VPS39: variants seen among roughly 807,000 people sequenced by gnomAD.
VPS39 encodes the protein vam6/Vps39-like protein.
VPS39 carries 70 observed loss-of-function variants against 121.0 expected under a neutral mutation model. The observed-to-expected ratio is 0.58, with a 90% CI of 0.48 to 0.71. The LOEUF is 0.71. Ranked by LOEUF, VPS39 falls within the 30% of genes least tolerant of loss-of-function variation. VPS39 has a pLI of 0.00. For synonymous variants in VPS39, 378 were observed against 398.1 expected (o/e 0.95, Z 0.60); for missense variants, 818 against 1,051.5 (o/e 0.78, Z 3.07).
At position 42,164,923 on chromosome 15, in the gene VPS39, A is replaced by T. The variant is rs540115416; in HGVS notation, c.1897+73T>A. ...AGAATAGGGTGGCCTGCTTACCCCC[A>T]CCACACGTGGCACCTGGGTCTGTGC... On this transcript the variant is annotated intron_variant, in intron 18 of 24. Transcript: ENST00000318006. 39 of 1,594,124 alleles carry T rather than the reference A, an allele frequency of 2.4e-5. No homozygotes were observed. The South Asian group carries it at 4.0e-4, about 16-fold the overall frequency.
intron 5 of VPS39, among the ~76,000 whole-genome samples, chr15:42,188,329 A>AT (rs2049747333): frequency 6.6e-6 from 1 of 152,252 alleles, no homozygotes; most frequent in Non-Finnish European, 1.5e-5. Flanking sequence ...ATGCTAAAAA[A>AT]TGGTAAGTTG....
In VPS39 at chr15:42,187,376, A is replaced by G; in HGVS notation, c.442-13T>C. The G allele has an allele frequency of 6.3e-7, 1 of 1,586,278 alleles. No homozygotes were observed. The highest frequency in any genetic ancestry group is 8.5e-7 in the Non-Finnish European group (1 of 1,170,384). Reference sequence around the variant, plus strand: ...CACTAAAGTCCCCCTGAAAAAAGAGAGCAAGGATCTGAATGAAATAAATAT... The same window carrying G: ...CACTAAAGTCCCCCTGAAAAAAGAGGGCAAGGATCTGAATGAAATAAATAT... On this transcript the variant is annotated splice_polypyrimidine_tract_variant and intron_variant, in intron 6 of 24. Transcript: ENST00000318006.
chr15:42,194,617 T>C lies in VPS39; in HGVS notation c.140-3057A>G, dbSNP rs552972413. 2.6e-5 allele frequency among the ~76,000 whole-genome samples: 4 copies of C among 152,028 alleles called. No homozygotes were observed. The East Asian group carries it at 5.8e-4, about 22-fold the overall frequency. ...GCATGCTGGTGTGTGCCGGTAGTCC[T>C]AGCTGCTTGAGAGGCTGAGGCGGGA... On this transcript the variant is annotated intron_variant, in intron 2 of 24. Coordinates refer to ENST00000318006, the MANE Select transcript of VPS39 (RefSeq NM_015289.5).
Position 42,166,752 on chromosome 15 carries a change from C to T in VPS39, c.1519+20G>A, listed in dbSNP as rs372071122. On this transcript the variant is annotated intron_variant, in intron 14 of 24. Coordinates refer to ENST00000318006, the MANE Select transcript of VPS39 (RefSeq NM_015289.5). ...CCATGTACAAGAGCCCCTCCCAGATCCAAGGAACCACTCCCACACCTTTCT... is the reference window on the plus strand; with the variant it reads ...CCATGTACAAGAGCCCCTCCCAGATTCAAGGAACCACTCCCACACCTTTCT... The T allele has an allele frequency of 1.9e-6, 3 of 1,613,360 alleles. No homozygotes were observed. The highest frequency in any genetic ancestry group is 2.5e-6 in the Non-Finnish European group (3 of 1,179,476).
chr15:42,166,799 ACAGGATGATAAG>A lies in VPS39; in HGVS notation c.1480_1491del (p.Leu494_Leu497del), dbSNP rs1408768705. On this transcript the variant is annotated inframe_deletion, in exon 14 of 25. Coordinates refer to ENST00000318006, the MANE Select transcript of VPS39 (RefSeq NM_015289.5). ...TTCTCGTGGAGCCCCTTCTTCTCAT[ACAGGATGATAAG>A]CTCACTGTACTTGTGAGCCTTCTTT... 6.2e-7 allele frequency: 1 copy of A among 1,614,172 alleles called. No individual in the cohort carries two copies.
chr15:42,208,089 G>T lies in VPS39; in HGVS notation c.65C>A (p.Ala22Asp), dbSNP rs2050214691. ...GCGGCCCCTCGGCTCACCCCAGGCAGCCAGACAGTCGATTTGCAGAGGCAG... is the reference window on the plus strand; with the variant it reads ...GCGGCCCCTCGGCTCACCCCAGGCATCCAGACAGTCGATTTGCAGAGGCAG... ...EKLPLQIDCLAAWEEWLLVGT... is the reference protein window; with the variant it reads ...EKLPLQIDCLDAWEEWLLVGT... Residue 22 changes from alanine to aspartate, a missense_variant, in exon 1 of 25, where the codon GCT (alanine) becomes GAT (aspartate). Physicochemically the swap from Ala to Asp is moderately radical, Grantham distance 126 (BLOSUM62 -2). Coordinates refer to ENST00000318006, the MANE Select transcript of VPS39 (RefSeq NM_015289.5). The T allele has an allele frequency of 5.7e-6, 9 of 1,583,890 alleles. No homozygotes were observed. Among genetic ancestry groups the T allele is most frequent in the Non-Finnish European group, 7.7e-6 (9 of 1,164,482 alleles).
chr15:42,198,543 G>A (rs1288872260), intron 2 of VPS39, among the ~76,000 whole-genome samples: 2 of 152,092 alleles, frequency 1.3e-5, no homozygotes, highest in African/African-American at 4.8e-5. Context: ...GTGTTGCCAT[G>A]TTGCCCAGGC....
intron 2 of VPS39, among the ~76,000 whole-genome samples, chr15:42,197,552 C>CA (rs55822012): frequency 1.3e-5 from 2 of 151,822 alleles, no homozygotes; most frequent in Non-Finnish European, 2.9e-5. Context: ...GACCCTGTCT[C>CA]AAAAAATAAA....
chr15:42,199,867 AT>A (rs373209852), intron 2 of VPS39, 28 bp downstream of exon 2: 4 of 1,556,364 alleles, frequency 2.6e-6, no homozygotes, highest in Admixed American at 4.4e-5. Flanking sequence ...ATTAAAACTT[AT>A]TTTTTTGCAT....
At chr15:42,196,216 C>T (rs1467487906) in intron 2 of VPS39, among the ~76,000 whole-genome samples, 3 of 151,990 alleles carry the variant, frequency 2.0e-5, no homozygotes, top group Non-Finnish European at 4.4e-5. Context: ...ACCATAAAAA[C>T]CCTAGAAGAA....
intron 3 of VPS39, 43 bp downstream of exon 3, chr15:42,191,453 A>G (rs1208096012): frequency 6.3e-7 from 1 of 1,580,124 alleles, no homozygotes; most frequent in Admixed American, 1.7e-5. Context: ...ACAGGGTCTC[A>G]TGTAAGTCAA....
chr15:42,187,292 C>T lies in VPS39; in HGVS notation c.513G>A (p.Lys171=). Residue 171 remains lysine (K), a synonymous_variant, in exon 7 of 25, where the codon AAG becomes AAA. Transcript: ENST00000318006. Reference sequence around the variant, plus strand: ...TTACCCTTATTAGGTAGTAGTCTCTCTTGAAACCCACACAGATAGAATTTT... The same window carrying T: ...TTACCCTTATTAGGTAGTAGTCTCTTTTGAAACCCACACAGATAGAATTTT... ...WCENSICVGF[K]RDYYLIRVDG... 1.2e-6 allele frequency: 2 copies of T among 1,612,738 alleles called. No individual in the cohort carries two copies. The highest frequency in any genetic ancestry group is 1.7e-6 in the Non-Finnish European group (2 of 1,179,696).
chr15:42,183,277 T>TC (rs1161515801), intron 8 of VPS39, among the ~76,000 whole-genome samples: 1 of 151,942 alleles, frequency 6.6e-6, no homozygotes, highest in Non-Finnish European at 1.5e-5. Context: ...TTTTTTTTTT[T>TC]TCGTGTTTGA....
chr15:42,178,280 T>TG lies in VPS39; in HGVS notation c.897dup (p.Met300HisfsTer15), dbSNP rs759755276. On this transcript the variant is annotated frameshift_variant, in exon 10 of 25. Coordinates refer to ENST00000318006, the MANE Select transcript of VPS39 (RefSeq NM_015289.5). LOFTEE classifies it high-confidence loss of function. ...AGAAGTTGTTGGATTTGGGTTGCCATGGGGACAGGGATGAGTCTCCAAACA... is the reference window on the plus strand; with the variant it reads ...AGAAGTTGTTGGATTTGGGTTGCCATGGGGGACAGGGATGAGTCTCCAAACA... 3 of 1,614,044 alleles carry TG rather than the reference T, an allele frequency of 1.9e-6. No individual in the cohort carries two copies. The African/African-American group carries it at 4.0e-5, about 22-fold the overall frequency.
chr15:42,166,883 G>A lies in VPS39; in HGVS notation c.1408C>T (p.Arg470Cys), dbSNP rs1442696330. Residue 470 changes from arginine to cysteine, a missense_variant, in exon 14 of 25, where the codon CGC becomes TGC. By Grantham distance (180) the Arg-to-Cys change is radical. Transcript: ENST00000318006. ...TNVALVAPLL[R>C]LENNHCHIEE... ...ATGTGGCAGTGATTGTTCTCCAGGC[G>A]TAGCAAGGGGGCCACCAGGGCCACA... is the stretch of plus-strand genomic sequence containing the variant. 8.7e-6 allele frequency: 14 copies of A among 1,614,088 alleles called. No individual in the cohort carries two copies. Among genetic ancestry groups the A allele is most frequent in the Admixed American group, 6.7e-5 (4 of 60,008 alleles).
chr15:42,168,424 T>C (rs967936216), intron 12 of VPS39, among the ~76,000 whole-genome samples: 2 of 152,144 alleles, frequency 1.3e-5, no homozygotes, highest in African/African-American at 2.4e-5. Context: ...AGGGTACCCC[T>C]GGAGCCCAAT....
At position 42,173,764 on chromosome 15, in the gene VPS39, C is replaced by T. The variant is rs1439769313; in HGVS notation, c.1049G>A (p.Arg350His). ...LYAFNLFCQK[R>H]FDESMQVFAK... The stretch of plus-strand genomic sequence containing the variant: ...AAAGACCTGCATGGACTCATCAAAA[C>T]GCTTCTGGCAGAAGAGGTTGAAGGC... The change falls in exon 11 of 25, where the codon CGT becomes CAT. Residue 350 changes from arginine (R) to histidine (H), a missense_variant. Transcript: ENST00000318006. The T allele has an allele frequency of 5.0e-6, 8 of 1,614,038 alleles. No homozygotes were observed. The highest frequency in any genetic ancestry group is 1.3e-5 in the African/African-American group (1 of 74,914).
At chr15:42,166,683 CT>C in intron 14 of VPS39, 34 bp from the exon 15 acceptor site, 1 of 1,614,084 alleles carries the variant, frequency 6.2e-7, no homozygotes, top group Non-Finnish European at 8.5e-7. Context: ...GGTCATGAGC[CT>C]TTTCCCCACG....
chr15:42,165,474 T>C (rs750181291), intron 17 of VPS39: 45 of 483,484 alleles, frequency 9.3e-5, no homozygotes, highest in Middle Eastern at 5.3e-4. Context: ...TTTCCAAATG[T>C]GGCTTTGGAA....
Sources: gnomAD v4.1 joint callset for allele counts (sites outside exome capture counted in the v4.1 genomes callset) on GRCh38, gnomAD v4.1.1 for gene constraint, MANE v1.5 for transcripts, NCBI Gene and HGNC (gene_info 2026-07-23, HGNC 2026-07-21) for gene names.